The following SPAG17 variants were observed in gnomAD, a reference collection of about 807,000 sequenced individuals.
SPAG17 encodes the protein sperm associated antigen 17.
A neutral mutation model predicts 273.6 loss-of-function variants in SPAG17; 169 were observed. The observed-to-expected ratio is 0.62, with a 90% confidence interval of 0.55 to 0.70. The LOEUF (loss-of-function observed/expected upper bound fraction) is 0.70, where lower values mean the gene tolerates loss of function less well. Among genes scored for constraint, SPAG17 ranks in the 30% least tolerant of loss-of-function variants. The probability of loss-of-function intolerance (pLI) is 0.00; values close to 1 mark genes in which losing one functional copy is unlikely to be tolerated. For synonymous variants in SPAG17, 825 were observed against 873.2 expected, an observed-to-expected ratio of 0.94 and a Z score of 0.97; for missense variants, 2,557 against 2,627.8, an observed-to-expected ratio of 0.97 and a Z score of 0.59.
chr1:118,045,577 C>A (rs532180691), intron 20 of SPAG17, among the ~76,000 whole-genome samples: 25 of 152,232 alleles, frequency 1.6e-4, no homozygotes, highest in African/African-American at 5.3e-4. Flanking sequence ...TATAATAAAC[C>A]AGAATAGTAA....
At chr1:118,158,825 T>C (rs1391249238) in intron 1 of SPAG17, among the ~76,000 whole-genome samples, 4 of 152,190 alleles carry the variant, frequency 2.6e-5, no homozygotes, top group African/African-American at 9.6e-5. Flanking sequence ...AATATCTGCA[T>C]TTCCAAAAAG....
In SPAG17 at chr1:117,953,869, G is replaced by T; in HGVS notation, c.*181C>A. 1.4e-6 allele frequency: 1 copy of T among 708,526 alleles called. No individual in the cohort carries two copies. Among genetic ancestry groups the T allele is most frequent in the Non-Finnish European group, 2.4e-6 (1 of 425,422 alleles). 43.9% of individuals were successfully genotyped at this position (708,526 alleles called of 1,614,324 possible). A position where few individuals can be genotyped will look rare whatever the true frequency, so the allele number is the denominator to read the frequency against. ...CCAAAAATGTCTTTAAATGCTTTTT[G>T]GCACTCTATTCGCACGTCTTTATTA... On this transcript the variant is annotated 3_prime_UTR_variant, in exon 49 of 49. Transcript: ENST00000336338.
At chr1:117,973,318 G>GA in intron 44 of SPAG17, 107 bp downstream of exon 44, 1 of 1,411,002 alleles carries the variant, frequency 7.1e-7, no homozygotes, top group East Asian at 2.3e-5. Context: ...CAATGAATCA[G>GA]AATTACATAA....
intron 1 of SPAG17, among the ~76,000 whole-genome samples, chr1:118,170,312 A>G (rs1660360885): frequency 1.3e-5 from 2 of 152,324 alleles, no homozygotes; most frequent in South Asian, 4.1e-4. Context: ...AAAACATGAA[A>G]TACATAGCAA....
chr1:118,090,807 G>C (rs1030093597), intron 10 of SPAG17, among the ~76,000 whole-genome samples: 1 of 152,078 alleles, frequency 6.6e-6, no homozygotes, highest in Non-Finnish European at 1.5e-5. Context: ...GGAACACTGA[G>C]CCCATGAGTT....
chr1:117,959,330 CA>C lies in SPAG17; in HGVS notation c.*4468del, dbSNP rs779113119. On this transcript the variant is annotated intron_variant, in intron 48 of 48. Transcript: ENST00000336338. The stretch of plus-strand genomic sequence containing the variant: ...TCAATATGGCTGGTCTTGATTATCT[CA>C]AGAGGGAATGCGAGGCAAAAAGTGA... The C allele has an allele frequency of 5.6e-6, 9 of 1,613,572 alleles. No homozygotes were observed. The East Asian group carries it at 2.0e-4, about 36-fold the overall frequency.
At chr1:118,005,710 C>T in intron 31 of SPAG17, 108 bp from the exon 32 acceptor site, 1 of 794,854 alleles carries the variant, frequency 1.3e-6, no homozygotes, top group Non-Finnish European at 1.8e-6. Context: ...TAGTCACAAA[C>T]TGTGTTTGCA....
At chr1:118,081,829 G>A (rs960017127) in intron 13 of SPAG17, among the ~76,000 whole-genome samples, 187 bp from the exon 14 acceptor site, 1 of 152,124 alleles carries the variant, frequency 6.6e-6, no homozygotes, top group Non-Finnish European at 1.5e-5. Flanking sequence ...CTGAGGATAA[G>A]CAAACAACAC....
At chr1:118,107,265 C>G (rs1329894852) in intron 4 of SPAG17, among the ~76,000 whole-genome samples, 1 of 152,086 alleles carries the variant, frequency 6.6e-6, no homozygotes, top group African/African-American at 2.4e-5. Flanking sequence ...CTGCCTCCCT[C>G]TACTCTGTCT....
chr1:118,066,095 C>T (rs912531776), intron 18 of SPAG17, among the ~76,000 whole-genome samples: 1 of 152,088 alleles, frequency 6.6e-6, no homozygotes, highest in Admixed American at 6.5e-5. Flanking sequence ...ACAGTATATT[C>T]CCCCAATTAT....
chr1:117,997,319 C>A (rs978859431), intron 32 of SPAG17, among the ~76,000 whole-genome samples: 2 of 151,866 alleles, frequency 1.3e-5, no homozygotes, highest in Admixed American at 6.6e-5. Flanking sequence ...TATCAATGCC[C>A]AGAAAAATGC....
At chr1:118,169,344 C>T (rs1194688414) in intron 1 of SPAG17, among the ~76,000 whole-genome samples, 2 of 152,108 alleles carry the variant, frequency 1.3e-5, no homozygotes, top group African/African-American at 4.8e-5. Context: ...ATTAAAACAA[C>T]CTTTGTGTGA....
intron 32 of SPAG17, among the ~76,000 whole-genome samples, chr1:118,002,308 G>A (rs1430846025): frequency 1.3e-5 from 2 of 152,132 alleles, no homozygotes; most frequent in African/African-American, 2.4e-5. Flanking sequence ...TGTTGATTTG[G>A]GGCGGAGAGT....
rs112792659 is a variant in SPAG17, at chr1:118,069,231, G to T, written c.2386-2332C>A. ...ATGGTGGCACGTGCCTATAGTCCCA[G>T]CTACTCAGGAGGCTGAGGCAGGATA... On this transcript the variant is annotated intron_variant, in intron 17 of 48. Coordinates refer to ENST00000336338, the MANE Select transcript of SPAG17 (RefSeq NM_206996.4). 4.8e-3 allele frequency among the ~76,000 whole-genome samples: 731 copies of T among 151,962 alleles called. 1 individual carries two copies. Among genetic ancestry groups the T allele is most frequent in the Non-Finnish European group, 7.1e-3 (485 of 67,970 alleles).
At chr1:118,004,322 G>C (rs182947791) in intron 32 of SPAG17, among the ~76,000 whole-genome samples, 2 of 152,340 alleles carry the variant, frequency 1.3e-5, no homozygotes, top group African/African-American at 4.8e-5. Flanking sequence ...CAAACGCCAT[G>C]TTGGGAGAAC....
intron 3 of SPAG17, among the ~76,000 whole-genome samples, chr1:118,125,245 A>ATATATATTTTTT (rs146004766): frequency 9.4e-4 from 142 of 150,828 alleles, no homozygotes; most frequent in African/African-American, 1.4e-3. Context: ...ATATATATAT[A>ATATATATTTTTT]TTTTTGACAT....
chr1:117,954,912 C>A (rs1651946419), intron 48 of SPAG17, among the ~76,000 whole-genome samples: 2 of 152,124 alleles, frequency 1.3e-5, no homozygotes, highest in South Asian at 2.1e-4. Flanking sequence ...TTCTGTTAAT[C>A]TAAATTAACT....
rs1404064658 is a variant in SPAG17, at chr1:118,150,559, G to C, written c.299C>G (p.Ala100Gly). 1 of 1,570,224 alleles carries C rather than the reference G, an allele frequency of 6.4e-7. No individual in the cohort carries two copies. Among genetic ancestry groups the C allele is most frequent in the Non-Finnish European group, 8.7e-7 (1 of 1,146,646 alleles). The change falls in exon 3 of 49, where the codon GCT (alanine) becomes GGT (glycine). Residue 100 changes from alanine to glycine, a missense_variant. Transcript: ENST00000336338. ...TTCACTTACCTCATAATATAAAGGA[G>C]CATTACCACCTACAGGTTTTTTTGC... is the stretch of plus-strand genomic sequence containing the variant. ...KKAKKPVGGN[A>G]PLYYEVLTAA...
intron 3 of SPAG17, among the ~76,000 whole-genome samples, chr1:118,135,360 C>G (rs1162388108): frequency 6.7e-6 from 1 of 148,338 alleles, no homozygotes; most frequent in Non-Finnish European, 1.5e-5. Flanking sequence ...TGTGGTTTAT[C>G]AGCTCAAGCA....
Sources: allele counts gnomAD v4.1 joint callset (sites outside exome capture counted in the v4.1 genomes callset), GRCh38; gene constraint gnomAD v4.1.1; transcripts MANE v1.5; gene names NCBI Gene and HGNC (gene_info 2026-07-23, HGNC 2026-07-21).